The following PTPN4 variants were observed in gnomAD, a reference collection of about 807,000 sequenced individuals.
PTPN4 encodes tyrosine-protein phosphatase non-receptor type 4.
PTPN4 carries 49 observed loss-of-function variants against 135.5 expected under a neutral mutation model. The observed-to-expected ratio is 0.36, with a 90% CI of 0.29 to 0.46. PTPN4 has a LOEUF of 0.46. Among genes scored for constraint, PTPN4 ranks in the 20% least tolerant of loss-of-function variants. The probability of loss-of-function intolerance (pLI) is 1.00; values close to 1 mark genes in which losing one functional copy is unlikely to be tolerated. For missense variants in PTPN4, 860 were observed against 1,101.0 expected, an observed-to-expected ratio of 0.78 and a Z score of 3.10; for synonymous variants, 333 against 369.9, an observed-to-expected ratio of 0.90 and a Z score of 1.14.
intron 15 of PTPN4, among the ~76,000 whole-genome samples, chr2:119,941,098 G>T (rs891758349): frequency 2.6e-5 from 4 of 152,142 alleles, no homozygotes; most frequent in Non-Finnish European, 4.4e-5. Flanking sequence ...ATACTTGGCA[G>T]ATTTTTGTGT....
chr2:119,968,700 G>A (rs1431877802), intron 26 of PTPN4, among the ~76,000 whole-genome samples: 1 of 152,150 alleles, frequency 6.6e-6, no homozygotes, highest in Non-Finnish European at 1.5e-5. Flanking sequence ...GCTGAGGCAG[G>A]AGAATGGCGT....
At chr2:119,911,621 C>T (rs1455176940) in intron 10 of PTPN4, among the ~76,000 whole-genome samples, 1 of 151,902 alleles carries the variant, frequency 6.6e-6, no homozygotes, top group Non-Finnish European at 1.5e-5. Context: ...TTCTCTTCAG[C>T]TTTGTACACC....
chr2:119,792,856 T>C (rs1691174584), intron 1 of PTPN4, among the ~76,000 whole-genome samples: 1 of 152,082 alleles, frequency 6.6e-6, no homozygotes, highest in Non-Finnish European at 1.5e-5. Context: ...AACCAGCAAG[T>C]TTTTATTAGC....
chr2:119,944,651 T>G (rs1679107410), intron 15 of PTPN4, among the ~76,000 whole-genome samples: 1 of 152,192 alleles, frequency 6.6e-6, no homozygotes, highest in South Asian at 2.1e-4. Context: ...TGAATCGTAT[T>G]TTATTTCTAA....
chr2:119,778,056 A>G (rs192417705), intron 1 of PTPN4, among the ~76,000 whole-genome samples: 1 of 152,240 alleles, frequency 6.6e-6, no homozygotes, highest in East Asian at 1.9e-4. Flanking sequence ...AACTAATAAA[A>G]TATTTTTTGC....
intron 10 of PTPN4, among the ~76,000 whole-genome samples, chr2:119,903,208 G>T (rs1014321384): frequency 2.0e-5 from 3 of 152,212 alleles, no homozygotes; most frequent in Middle Eastern, 3.4e-3. Context: ...CCTGCACAGG[G>T]ACATTACCAT....
chr2:119,969,675 C>T (rs1275336463), intron 26 of PTPN4, among the ~76,000 whole-genome samples: 1 of 150,196 alleles, frequency 6.7e-6, no homozygotes, highest in African/African-American at 2.4e-5. Context: ...TCTGCTGCCT[C>T]AGCCTCCTGA....
chr2:119,965,082 T>C (rs369176643), intron 24 of PTPN4, among the ~76,000 whole-genome samples: 1 of 151,994 alleles, frequency 6.6e-6, no homozygotes, highest in Admixed American at 6.6e-5. Context: ...AGATCGTTGA[T>C]TGGTTGGGAT....
chr2:119,820,296 G>C (rs1363987310), intron 2 of PTPN4, among the ~76,000 whole-genome samples: 1 of 152,218 alleles, frequency 6.6e-6, no homozygotes, highest in Admixed American at 6.5e-5. Context: ...ATCTGTGATA[G>C]ATGTGATCTG....
intron 20 of PTPN4, 116 bp downstream of exon 20, chr2:119,955,439 G>A (rs1174219708): frequency 1.1e-6 from 1 of 937,752 alleles, no homozygotes; most frequent in Non-Finnish European, 1.4e-6. Context: ...GATATTCTGA[G>A]AAATGTTTGA....
At chr2:119,861,447 C>T (rs1374305903) in intron 2 of PTPN4, among the ~76,000 whole-genome samples, 4 of 152,138 alleles carry the variant, frequency 2.6e-5, no homozygotes, top group South Asian at 2.1e-4. Flanking sequence ...ATAAATGTAA[C>T]GAGAATAAAC....
chr2:119,961,028 C>T (rs1679357402), intron 23 of PTPN4, 75 bp downstream of exon 23: 2 of 1,413,610 alleles, frequency 1.4e-6, no homozygotes, highest in Admixed American at 2.6e-5. Flanking sequence ...TCAAAATATT[C>T]ATATTTATTT....
At chr2:119,810,146 C>G (rs921681398) in intron 2 of PTPN4, among the ~76,000 whole-genome samples, 155 bp downstream of exon 2, 13 of 152,168 alleles carry the variant, frequency 8.5e-5, no homozygotes, top group African/African-American at 1.7e-4. Flanking sequence ...GATGCATGCT[C>G]TCATTCAAAC....
intron 1 of PTPN4, among the ~76,000 whole-genome samples, chr2:119,785,295 A>G (rs1221737519): frequency 6.6e-6 from 1 of 152,188 alleles, no homozygotes; most frequent in Non-Finnish European, 1.5e-5. Context: ...TGCGGGACTT[A>G]CTGAAGTGTT....
intron 1 of PTPN4, among the ~76,000 whole-genome samples, chr2:119,774,994 G>A (rs1465054184): frequency 6.7e-6 from 1 of 149,296 alleles, no homozygotes; most frequent in East Asian, 2.0e-4. Context: ...TCCAGCCTGA[G>A]CAACACAGCG....
intron 2 of PTPN4, among the ~76,000 whole-genome samples, chr2:119,815,053 G>A (rs1676965783): frequency 6.6e-6 from 1 of 152,196 alleles, no homozygotes; most frequent in East Asian, 1.9e-4. Flanking sequence ...ATTTCACCTT[G>A]CTGTGGTTTC....
At chr2:119,926,025 A>C (rs1323319104) in intron 12 of PTPN4, among the ~76,000 whole-genome samples, 1 of 152,216 alleles carries the variant, frequency 6.6e-6, no homozygotes, top group Admixed American at 6.5e-5. Flanking sequence ...TATCCATGGA[A>C]AATGGTCTTA....
intron 10 of PTPN4, among the ~76,000 whole-genome samples, chr2:119,910,150 G>A (rs1174763654): frequency 6.6e-6 from 1 of 151,872 alleles, no homozygotes; most frequent in African/African-American, 2.4e-5. Flanking sequence ...TGGCAATGTG[G>A]TCTTGCCACA....
At chr2:119,926,577 G>T in intron 12 of PTPN4, 21 bp from the exon 13 acceptor site, 1 of 1,526,254 alleles carries the variant, frequency 6.6e-7, no homozygotes, top group South Asian at 1.2e-5. Flanking sequence ...CTTTATTGTT[G>T]TGCATATTTA....
Sources: gnomAD v4.1 joint callset for allele counts (sites outside exome capture counted in the v4.1 genomes callset) on GRCh38, gnomAD v4.1.1 for gene constraint, MANE v1.5 for transcripts, NCBI Gene and HGNC (gene_info 2026-07-23, HGNC 2026-07-21) for gene names.